SPAG16: variants seen among roughly 807,000 people sequenced by gnomAD.
SPAG16 encodes the protein sperm-associated antigen 16 protein.
Under a neutral mutation model 80.4 loss-of-function variants are expected in SPAG16, and 86 were observed. The observed-to-expected ratio is 1.07, with a 90% CI of 0.90 to 1.28. The LOEUF (loss-of-function observed/expected upper bound fraction) is 1.28, where lower values mean the gene tolerates loss of function less well. Ranked by LOEUF, SPAG16 falls within the 50% of genes most tolerant of loss-of-function variation. SPAG16 has a pLI of 0.00. For missense variants in SPAG16, 870 were observed against 765.3 expected (o/e 1.14, Z -1.61); for synonymous variants, 294 against 265.9 (o/e 1.11, Z -1.03).
intron 10 of SPAG16, among the ~76,000 whole-genome samples, chr2:213,837,983 A>G (rs992122810): frequency 1.3e-5 from 2 of 152,132 alleles, no homozygotes; most frequent in African/African-American, 4.8e-5. Context: ...TTTTAGGGTG[A>G]AATATTCCTG....
Position 213,288,429 on chromosome 2 carries a change from C to T in SPAG16, c.136+3810C>T, listed in dbSNP as rs149539017. Among the ~76,000 whole-genome samples, 9 of 152,094 alleles carry T rather than the reference C, an allele frequency of 5.9e-5. No individual in the cohort carries two copies. In the East Asian group the frequency reaches 1.4e-3, roughly 23 times the overall value. ...GTGCCATTCTGCTGCCCCAGCCTCC[C>T]GAGTAGCTGGGACTACAGGCATCTG... is the stretch of plus-strand genomic sequence containing the variant. On this transcript the variant is annotated intron_variant, in intron 1 of 15. Coordinates refer to ENST00000331683, the MANE Select transcript of SPAG16 (RefSeq NM_024532.5).
intron 10 of SPAG16, among the ~76,000 whole-genome samples, chr2:213,838,094 T>C (rs1559510528): frequency 6.6e-6 from 1 of 151,820 alleles, no homozygotes; most frequent in Admixed American, 6.6e-5. Flanking sequence ...CTAGGCATCA[T>C]ATTCATGATC....
At chr2:213,289,293 G>A (rs1391656661) in intron 1 of SPAG16, among the ~76,000 whole-genome samples, 3 of 152,210 alleles carry the variant, frequency 2.0e-5, no homozygotes, top group African/African-American at 4.8e-5. Context: ...TGGCTTAGAA[G>A]TTGGAAAGAC....
At chr2:213,694,501 T>C (rs1039887288) in intron 10 of SPAG16, among the ~76,000 whole-genome samples, 2 of 152,210 alleles carry the variant, frequency 1.3e-5, no homozygotes, top group African/African-American at 4.8e-5. Context: ...AAATGTGGTA[T>C]AGCCAAAAAG....
intron 15 of SPAG16, among the ~76,000 whole-genome samples, chr2:214,229,208 G>T (rs1688519085): frequency 1.3e-5 from 2 of 151,544 alleles, no homozygotes; most frequent in South Asian, 4.2e-4. Flanking sequence ...AGGATGTAAA[G>T]GTCACTACGA....
intron 10 of SPAG16, among the ~76,000 whole-genome samples, chr2:213,593,746 CTTTTTTTTTTTTTTTTTTT>C (rs541949006): frequency 9.6e-3 from 479 of 50,024 alleles, no homozygotes; most frequent in Non-Finnish European, 0.016. Flanking sequence ...CCCACCACAT[CTTTTTTTTTTTTTTTTTTT>C]TTTTTTTTTT....
chr2:213,300,576 G>C (rs193027269), intron 3 of SPAG16, among the ~76,000 whole-genome samples: 3 of 152,200 alleles, frequency 2.0e-5, no homozygotes. Flanking sequence ...GGATCTAGCT[G>C]TTCCTCTAAA....
At chr2:214,157,905 A>G (rs901486172) in intron 15 of SPAG16, among the ~76,000 whole-genome samples, 2 of 152,078 alleles carry the variant, frequency 1.3e-5, no homozygotes, top group Non-Finnish European at 2.9e-5. Flanking sequence ...TCACAACTTT[A>G]AGCACAATGT....
chr2:214,201,819 T>C, intron 15 of SPAG16, among the ~76,000 whole-genome samples: 1 of 152,140 alleles, frequency 6.6e-6, no homozygotes, highest in African/African-American at 2.4e-5. Context: ...CTTTCTTTTC[T>C]TTTCTTTTCT....
In SPAG16 at chr2:214,251,960, A is replaced by G. The variant is rs59028917; in HGVS notation, c.1720+102694A>G. On this transcript the variant is annotated intron_variant, in intron 15 of 15. Transcript: ENST00000331683. ...AAATTCTGAGGAATTGCATCAGACT[A>G]ATAATCTTAAATGAATTGATCTGAT... Among the ~76,000 whole-genome samples, 1,500 of 152,266 alleles carry G rather than the reference A, an allele frequency of 9.9e-3. 20 individuals are homozygous for G. The highest frequency in any genetic ancestry group is 0.034 in the African/African-American group (1,429 of 41,570).
intron 15 of SPAG16, among the ~76,000 whole-genome samples, chr2:214,347,311 A>G (rs1021107154): frequency 3.9e-5 from 6 of 152,016 alleles, no homozygotes; most frequent in African/African-American, 1.4e-4. Context: ...TAATAAAATG[A>G]GAGATGAGAC....
chr2:213,932,189 TATATATA>T (rs1240457420), intron 12 of SPAG16, among the ~76,000 whole-genome samples: 4 of 25,470 alleles, frequency 1.6e-4, no homozygotes, highest in African/African-American at 2.1e-4. Context: ...TATATATATA[TATATATA>T]TATTTGTTGT....
intron 6 of SPAG16, 100 bp downstream of exon 6, chr2:213,340,370 G>T: frequency 1.2e-6 from 1 of 831,376 alleles, no homozygotes; most frequent in Non-Finnish European, 1.9e-6. Context: ...TAATTCCACG[G>T]TTATTGAGCA....
At chr2:213,931,638 G>A (rs1327823894) in intron 12 of SPAG16, among the ~76,000 whole-genome samples, 1 of 152,116 alleles carries the variant, frequency 6.6e-6, no homozygotes, top group Non-Finnish European at 1.5e-5. Context: ...AAAAAACTCA[G>A]TAGTCTCAGC....
At chr2:213,934,932 G>A (rs897759272) in intron 12 of SPAG16, among the ~76,000 whole-genome samples, 5 of 152,154 alleles carry the variant, frequency 3.3e-5, no homozygotes, top group Admixed American at 3.3e-4. Context: ...GCCTGGTGCG[G>A]TGGCTCATGC....
At chr2:214,100,408 G>T (rs887175962) in intron 13 of SPAG16, among the ~76,000 whole-genome samples, 6 of 151,840 alleles carry the variant, frequency 4.0e-5, no homozygotes, top group African/African-American at 1.5e-4. Context: ...TAGGTTCAGG[G>T]GTACATGTGC....
At chr2:213,450,564 A>G (rs190080317) in intron 9 of SPAG16, among the ~76,000 whole-genome samples, 1 of 152,164 alleles carries the variant, frequency 6.6e-6, no homozygotes, top group African/African-American at 2.4e-5. Flanking sequence ...TCTTCTTTAA[A>G]TTTACTTTTA....
intron 15 of SPAG16, among the ~76,000 whole-genome samples, chr2:214,301,996 A>AT (rs751877345): frequency 1.3e-3 from 192 of 150,168 alleles, no homozygotes; most frequent in East Asian, 4.3e-3. Context: ...TTTGCATTGA[A>AT]TTTTTTTTTT....
intron 15 of SPAG16, chr2:214,239,470 A>G (rs1432173960): frequency 6.6e-6 from 1 of 152,194 alleles, no homozygotes; most frequent in Non-Finnish European, 1.5e-5. Flanking sequence ...GCTTCTCTAG[A>G]TTTAGTAAAG....
Sources: gnomAD v4.1 joint callset for allele counts (sites outside exome capture counted in the v4.1 genomes callset) on GRCh38, gnomAD v4.1.1 for gene constraint, MANE v1.5 for transcripts, NCBI Gene and HGNC (gene_info 2026-07-23, HGNC 2026-07-21) for gene names.